The following STEEP1 variants were observed in gnomAD, a reference collection of about 807,000 sequenced individuals.
STEEP1 encodes the protein STING ER exit protein.
STEEP1 carries 3 observed loss-of-function variants against 19.2 expected under a neutral mutation model. The observed-to-expected ratio is 0.16, with a 90% CI of 0.07 to 0.40. The LOEUF is 0.40. Ranked by LOEUF, STEEP1 falls within the 10% of genes least tolerant of loss-of-function variation. The pLI, the probability that STEEP1 is intolerant of heterozygous loss-of-function variation, is 0.99. For missense variants in STEEP1, 54 were observed against 177.1 expected, an observed-to-expected ratio of 0.30 and a Z score of 3.94; for synonymous variants, 46 against 63.7, an observed-to-expected ratio of 0.72 and a Z score of 1.32.
At chrX:119,541,047 AAAAT>A (rs1156849741) in intron 6 of STEEP1, among the ~76,000 whole-genome samples, 2 of 111,415 alleles carry the variant, frequency 1.8e-5, no homozygotes, top group African/African-American at 6.5e-5. Flanking sequence ...TTCCAGCTCC[AAAAT>A]AAATAAATAA....
intron 2 of STEEP1, among the ~76,000 whole-genome samples, chrX:119,558,057 C>T (rs755870516): frequency 3.4e-4 from 38 of 110,377 alleles, no homozygotes; most frequent in South Asian, 1.5e-3. Context: ...CAGGCACACG[C>T]GCCACCATGC....
At chrX:119,541,193 T>C (rs1483466863) in intron 6 of STEEP1, 135 bp downstream of exon 6, 7 of 477,814 alleles carry the variant, frequency 1.5e-5, no homozygotes, top group Non-Finnish European at 2.6e-5. Context: ...AGACCAGGGT[T>C]ATAAAACTGG....
At chrX:119,539,989 G>A (rs948319546) in intron 6 of STEEP1, among the ~76,000 whole-genome samples, 200 bp from the exon 7 acceptor site, 8 of 111,508 alleles carry the variant, frequency 7.2e-5, no homozygotes, top group Admixed American at 3.8e-4. Context: ...AATGCTATTT[G>A]TAGGCAAAAT....
chrX:119,543,483 G>A (rs1415869262), intron 4 of STEEP1, among the ~76,000 whole-genome samples: 4 of 107,468 alleles, frequency 3.7e-5, no homozygotes, highest in Admixed American at 1.0e-4. Flanking sequence ...CACTGCACCC[G>A]GCCAATTAAT....
chrX:119,554,569 C>A (rs1415224587), intron 2 of STEEP1, among the ~76,000 whole-genome samples: 1 of 111,921 alleles, frequency 8.9e-6, no homozygotes, highest in Non-Finnish European at 1.9e-5. Flanking sequence ...TGACTTGTGA[C>A]ACCAAAAGGA....
chrX:119,547,894 G>A (rs2053216245), intron 2 of STEEP1, among the ~76,000 whole-genome samples: 1 of 111,629 alleles, frequency 9.0e-6, no homozygotes, highest in African/African-American at 3.3e-5. Flanking sequence ...AATGAGGGCC[G>A]GACGTGGTAG....
chrX:119,542,228 G>T (rs1480207783), intron 5 of STEEP1, among the ~76,000 whole-genome samples: 1 of 108,098 alleles, frequency 9.3e-6, no homozygotes, highest in African/African-American at 3.4e-5. Flanking sequence ...CAACACGCCC[G>T]GCTAATTTTT....
chrX:119,548,492 C>T (rs1273386973), intron 2 of STEEP1, among the ~76,000 whole-genome samples: 1 of 93,338 alleles, frequency 1.1e-5, no homozygotes, highest in Non-Finnish European at 2.1e-5. Flanking sequence ...CGAGATTGCA[C>T]CACTGCACTC....
intron 1 of STEEP1, among the ~76,000 whole-genome samples, chrX:119,562,169 G>A (rs922948165): frequency 8.9e-6 from 1 of 112,186 alleles, no homozygotes; most frequent in African/African-American, 3.2e-5. Context: ...AGCCAAGACA[G>A]GTGGATCACC....
chrX:119,556,326 G>A (rs1287602809), intron 2 of STEEP1, among the ~76,000 whole-genome samples: 2 of 110,927 alleles, frequency 1.8e-5, no homozygotes, highest in African/African-American at 6.5e-5. Context: ...GAGTACGCCT[G>A]TAATCCCAGC....
chrX:119,544,191 T>C (rs1320021827), intron 4 of STEEP1, among the ~76,000 whole-genome samples, 162 bp downstream of exon 4: 3 of 107,340 alleles, frequency 2.8e-5, no homozygotes, highest in Admixed American at 2.0e-4. Context: ...TAAGAATATA[T>C]CCATAAAGAA....
chrX:119,552,974 C>T (rs751355191), intron 2 of STEEP1, among the ~76,000 whole-genome samples: 1 of 110,521 alleles, frequency 9.0e-6, no homozygotes, highest in Non-Finnish European at 1.9e-5. Flanking sequence ...ACCAGCCTGG[C>T]CAACATGGTG....
intron 2 of STEEP1, among the ~76,000 whole-genome samples, chrX:119,551,987 G>A (rs1453734656): frequency 3.8e-5 from 4 of 105,191 alleles, no homozygotes; most frequent in African/African-American, 7.0e-5. Flanking sequence ...TGCAACCTCC[G>A]CCTCCCAGGT....
intron 4 of STEEP1, among the ~76,000 whole-genome samples, chrX:119,542,928 G>A (rs768840186): frequency 2.1e-5 from 2 of 96,624 alleles, no homozygotes; most frequent in East Asian, 6.3e-4. Flanking sequence ...AACCTCCCAC[G>A]TAGCTAGGAT....
chrX:119,561,441 T>TG (rs2053320151), intron 1 of STEEP1, among the ~76,000 whole-genome samples: 1 of 109,818 alleles, frequency 9.1e-6, no homozygotes, highest in South Asian at 3.9e-4. Context: ...AGGTGGCAGG[T>TG]GGATCACCTG....
intron 5 of STEEP1, among the ~76,000 whole-genome samples, chrX:119,542,020 AG>A (rs200739519): frequency 0.014 from 1,448 of 106,069 alleles, 32 homozygotes; most frequent in African/African-American, 0.046. Context: ...TCAAGGAAAC[AG>A]GAACTGGCTC....
In STEEP1 at chrX:119,542,581, T is replaced by C; in HGVS notation, c.437A>G (p.Lys146Arg). ...GAACTTGCCCATGTCTTTGGTCCGT[T>C]TGGTCATCATCACCTGGAGTGGCAG... Reference protein sequence around the residue: ...QEPPKKVMMTKRTKDMGKFSS... With the variant: ...QEPPKKVMMTRRTKDMGKFSS... Residue 146 changes from lysine to arginine, a missense_variant, in exon 5 of 7, where the codon AAA becomes AGA. This residue lies in a region of STEEP1 where 47 missense variants were observed against 118.5 expected (regional missense o/e 0.40). Transcript: ENST00000644802. 1 of 1,205,791 alleles carries C rather than the reference T, an allele frequency of 8.3e-7. No individual in the cohort carries two copies. The highest frequency in any genetic ancestry group is 1.1e-6 in the Non-Finnish European group (1 of 890,614).
At chrX:119,551,919 T>A (rs2053245080) in intron 2 of STEEP1, among the ~76,000 whole-genome samples, 1 of 79,970 alleles carries the variant, frequency 1.3e-5, no homozygotes, top group East Asian at 4.4e-4. Context: ...TTTTTTTTTT[T>A]AAGACTGAGT....
chrX:119,544,615 CTCAG>C, intron 3 of STEEP1, 124 bp from the exon 4 acceptor site: 1 of 651,791 alleles, frequency 1.5e-6, no homozygotes, highest in Non-Finnish European at 2.3e-6. Flanking sequence ...ACTGGCTCTT[CTCAG>C]TGTCTCCCAA....
Sources: allele counts gnomAD v4.1 joint callset (sites outside exome capture counted in the v4.1 genomes callset), GRCh38; gene constraint gnomAD v4.1.1; regional missense constraint gnomAD v4.1.1; transcripts MANE v1.5; gene names NCBI Gene and HGNC (gene_info 2026-07-23, HGNC 2026-07-21).